ZBTB20: variants seen among roughly 807,000 people sequenced by gnomAD.
The protein encoded by ZBTB20 is zinc finger and BTB domain-containing protein 20.
ZBTB20 carries 9 observed loss-of-function variants against 56.9 expected under a neutral mutation model. The ratio of observed to expected loss-of-function variants is 0.16; its 90% confidence interval spans 0.10 to 0.28. The LOEUF is 0.28. Among genes scored for constraint, ZBTB20 ranks in the 10% least tolerant of loss-of-function variants. ZBTB20 has a pLI of 1.00. For synonymous variants in ZBTB20, 417 were observed against 420.7 expected, an observed-to-expected ratio of 0.99 and a Z score of 0.11; for missense variants, 655 against 1,003.0, an observed-to-expected ratio of 0.65 and a Z score of 4.69.
chr3:114,342,397 G>T (rs921721504), intron 11 of ZBTB20, among the ~76,000 whole-genome samples: 9 of 152,190 alleles, frequency 5.9e-5, no homozygotes, highest in Non-Finnish European at 1.0e-4. Context: ...AGTCTGATTT[G>T]TCAGAAGGGG....
At chr3:114,637,772 T>C (rs1323892587) in intron 6 of ZBTB20, among the ~76,000 whole-genome samples, 6 of 152,140 alleles carry the variant, frequency 3.9e-5, no homozygotes, top group Non-Finnish European at 7.4e-5. Flanking sequence ...GCCACTTAAA[T>C]ATATAACATG....
intron 3 of ZBTB20, among the ~76,000 whole-genome samples, chr3:114,908,415 C>T (rs1343569726): frequency 1.3e-5 from 2 of 151,938 alleles, no homozygotes; most frequent in Non-Finnish European, 2.9e-5. Flanking sequence ...CAGTAATAAC[C>T]TGAGAAATTT....
intron 10 of ZBTB20, among the ~76,000 whole-genome samples, chr3:114,363,001 A>T (rs2082044096): frequency 1.3e-5 from 2 of 152,240 alleles, no homozygotes. Context: ...GTCCTCATTT[A>T]CAAAGTAAAT....
At chr3:114,894,515 T>C (rs1436773580) in intron 4 of ZBTB20, among the ~76,000 whole-genome samples, 1 of 152,202 alleles carries the variant, frequency 6.6e-6, no homozygotes, top group Non-Finnish European at 1.5e-5. Flanking sequence ...AAATGTGATC[T>C]TACTTGGACA....
intron 2 of ZBTB20, among the ~76,000 whole-genome samples, chr3:115,058,563 T>C (rs1348630205): frequency 6.6e-6 from 1 of 152,092 alleles, no homozygotes; most frequent in Non-Finnish European, 1.5e-5. Context: ...ACCCTGTCTC[T>C]ACTAGAAATA....
At chr3:114,715,525 A>G (rs893977741) in intron 5 of ZBTB20, among the ~76,000 whole-genome samples, 4 of 152,218 alleles carry the variant, frequency 2.6e-5, no homozygotes, top group Non-Finnish European at 4.4e-5. Flanking sequence ...ATTTGCTACA[A>G]TAACACTGAC....
chr3:114,509,594 GCA>G (rs1226241996), intron 6 of ZBTB20, among the ~76,000 whole-genome samples: 2 of 152,030 alleles, frequency 1.3e-5, no homozygotes, highest in African/African-American at 4.8e-5. Flanking sequence ...CATCATACGT[GCA>G]CACACACATA....
chr3:114,840,756 C>T (rs564870355), intron 4 of ZBTB20, among the ~76,000 whole-genome samples: 2 of 152,212 alleles, frequency 1.3e-5, no homozygotes, highest in East Asian at 1.9e-4. Context: ...AAAAGTAGTT[C>T]TCACAATAAT....
intron 4 of ZBTB20, among the ~76,000 whole-genome samples, chr3:114,845,581 T>C (rs2074658438): frequency 6.6e-6 from 1 of 151,886 alleles, no homozygotes; most frequent in Non-Finnish European, 1.5e-5. Flanking sequence ...TCTCAAAAGC[T>C]CTAATTGTGC....
chr3:114,861,231 T>C (rs1186362198), intron 4 of ZBTB20, among the ~76,000 whole-genome samples: 1 of 152,170 alleles, frequency 6.6e-6, no homozygotes, highest in Non-Finnish European at 1.5e-5. Context: ...CTATCTCACT[T>C]TATTATTTTT....
At chr3:114,669,325 T>C (rs2061233616) in intron 6 of ZBTB20, among the ~76,000 whole-genome samples, 2 of 151,998 alleles carry the variant, frequency 1.3e-5, no homozygotes, top group Non-Finnish European at 2.9e-5. Context: ...CATCAACACG[T>C]AAGACACTCA....
chr3:114,748,333 TCTTCTTTCTTTCTTTCTTTTCTC>T (rs1272925765), intron 5 of ZBTB20, among the ~76,000 whole-genome samples: 14 of 94,240 alleles, frequency 1.5e-4, no homozygotes, highest in African/African-American at 5.9e-4. Context: ...TTTCTTTCTT[TCTTCTTTCTTTCTTTCTTTTCTC>T]TCTCTCTCTC....
chr3:114,562,390 C>G (rs1373931137), intron 6 of ZBTB20, among the ~76,000 whole-genome samples: 1 of 152,104 alleles, frequency 6.6e-6, no homozygotes, highest in Non-Finnish European at 1.5e-5. Flanking sequence ...GTCTCGATCT[C>G]TTGACCTCAT....
chr3:114,845,742 T>G (rs1338359609), intron 4 of ZBTB20, among the ~76,000 whole-genome samples: 1 of 152,216 alleles, frequency 6.6e-6, no homozygotes, highest in Non-Finnish European at 1.5e-5. Flanking sequence ...AGCAATCCCA[T>G]TTTACCAACA....
At position 114,978,964 on chromosome 3, in the gene ZBTB20, T is replaced by C. The variant is rs182490805; in HGVS notation, c.-506-4548A>G. Among the ~76,000 whole-genome samples the C allele has an allele frequency of 6.9e-3, 1,051 of 151,946 alleles. 10 individuals are homozygous for C. Among genetic ancestry groups the C allele is most frequent in the Admixed American group, 0.01 (155 of 15,226 alleles). ...TCTATCTGTCATTTTTGGTGAAACC[T>C]TTTTAACTGCATAGATTTTTTTAGA... is the stretch of plus-strand genomic sequence containing the variant. On this transcript the variant is annotated intron_variant, in intron 2 of 11. Coordinates refer to ENST00000675478, the MANE Select transcript of ZBTB20 (RefSeq NM_001348800.3).
intron 7 of ZBTB20, among the ~76,000 whole-genome samples, chr3:114,435,458 T>C (rs1430718558): frequency 6.6e-6 from 1 of 152,184 alleles, no homozygotes; most frequent in Non-Finnish European, 1.5e-5. Context: ...TATCCTTTGG[T>C]CACACAGCTA....
In ZBTB20 at chr3:114,649,579, G is replaced by A. The variant is rs557530031; in HGVS notation, c.-295+43949C>T. Reference sequence around the variant, plus strand: ...TTTAGGGGGTCATATAGGTGAATAAGCTGACAACACCTTCAGAGAGAGAAA... The same window carrying A: ...TTTAGGGGGTCATATAGGTGAATAAACTGACAACACCTTCAGAGAGAGAAA... On this transcript the variant is annotated intron_variant, in intron 6 of 11. Coordinates refer to ENST00000675478, the MANE Select transcript of ZBTB20 (RefSeq NM_001348800.3). 2.1e-3 allele frequency among the ~76,000 whole-genome samples: 324 copies of A among 152,002 alleles called. 1 individual carries two copies. The highest frequency in any genetic ancestry group is 7.7e-3 in the African/African-American group (318 of 41,522).
chr3:114,681,763 C>T (rs959712333), intron 6 of ZBTB20, among the ~76,000 whole-genome samples: 1 of 152,042 alleles, frequency 6.6e-6, no homozygotes, highest in Non-Finnish European at 1.5e-5. Context: ...TTATTATTGC[C>T]ACTTTGTAAC....
intron 7 of ZBTB20, among the ~76,000 whole-genome samples, chr3:114,446,682 T>C (rs1001224808): frequency 6.6e-6 from 1 of 152,172 alleles, no homozygotes; most frequent in Non-Finnish European, 1.5e-5. Flanking sequence ...ATGTATCTTC[T>C]GAGAAGCCGG....
Sources: allele counts gnomAD v4.1 joint callset (sites outside exome capture counted in the v4.1 genomes callset), GRCh38; gene constraint gnomAD v4.1.1; transcripts MANE v1.5; gene names NCBI Gene and HGNC (gene_info 2026-07-23, HGNC 2026-07-21).